RAP1GAP2: variants seen among roughly 807,000 people sequenced by gnomAD.
RAP1GAP2 encodes rap1 GTPase-activating protein 2.
In RAP1GAP2, 27 loss-of-function variants were observed where a neutral mutation model predicts 95.0. That is an observed-to-expected ratio of 0.28 (90% CI 0.21 to 0.39). The LOEUF is 0.39. RAP1GAP2 is among the 10% of genes least tolerant of loss of function. The pLI, the probability that RAP1GAP2 is intolerant of heterozygous loss-of-function variation, is 1.00. For missense variants in RAP1GAP2, 771 were observed against 970.0 expected, an observed-to-expected ratio of 0.79 and a Z score of 2.72; for synonymous variants, 373 against 380.9, an observed-to-expected ratio of 0.98 and a Z score of 0.24.
rs138074653 is a variant in RAP1GAP2, at chr17:2,884,282, C to T, written c.81-21002C>T. On this transcript the variant is annotated intron_variant, in intron 2 of 24. Transcript: ENST00000254695. ...GTGGGGCTGCAGTGGCCCTTTCATT[C>T]ATTCTTTGCTTCTTCAATCACTCCT... 7.4e-4 allele frequency among the ~76,000 whole-genome samples: 113 copies of T among 151,972 alleles called. 1 individual carries two copies. Among genetic ancestry groups the T allele is most frequent in the Admixed American group, 2.2e-3 (33 of 15,252 alleles).
intron 3 of RAP1GAP2, among the ~76,000 whole-genome samples, chr17:2,939,119 C>T (rs2043396996): frequency 6.6e-6 from 1 of 152,126 alleles, no homozygotes; most frequent in African/African-American, 2.4e-5. Flanking sequence ...GAGACAGAGT[C>T]CTGCTGTGTC....
At position 2,889,887 on chromosome 17, in the gene RAP1GAP2, A is replaced by ATTTTTTTTT. The variant is rs1183050009; in HGVS notation, c.81-15396_81-15395insTTTTTTTTT. 9.4e-3 allele frequency among the ~76,000 whole-genome samples: 364 copies of ATTTTTTTTT among 38,650 alleles called. 1 individual carries two copies. The highest frequency in any genetic ancestry group is 0.016 in the Non-Finnish European group (292 of 18,054). 25.4% of individuals were successfully genotyped at this position (38,650 alleles called of 152,430 possible). On this transcript the variant is annotated intron_variant, in intron 2 of 24. Coordinates refer to ENST00000254695, the MANE Select transcript of RAP1GAP2 (RefSeq NM_015085.5). ...TGTATATATATATATATATATATAT[A>ATTTTTTTTT]TATTTTTTTTTTTTTTTGTAGAGAT...
At chr17:2,850,008 T>TG (rs1056961152) in intron 2 of RAP1GAP2, among the ~76,000 whole-genome samples, 2 of 149,068 alleles carry the variant, frequency 1.3e-5, no homozygotes, top group African/African-American at 2.5e-5. Context: ...GCTTTTTTTT[T>TG]TTTTTTTTTT....
intron 19 of RAP1GAP2, 150 bp from the exon 20 acceptor site, chr17:3,025,858 G>A: frequency 1.6e-6 from 1 of 634,308 alleles, no homozygotes; most frequent in Non-Finnish European, 2.8e-6. Context: ...GGGCTCAGGT[G>A]GGAAAGGACA....
rs762396690 is a variant in RAP1GAP2, at chr17:3,018,132, C to T, written c.1566C>T (p.Gly522=). 6.3e-7 allele frequency: 1 copy of T among 1,586,104 alleles called. No individual in the cohort carries two copies. The highest frequency in any genetic ancestry group is 1.2e-5 in the South Asian group (1 of 86,912). ...GCCAGAAGAAGTCGCACAGTGGGGG[C>T]ATCCCTGGCAGCCTCAGCGGGGGCA... ...VGGQKKSHSG[G]IPGSLSGGIS... The change falls in exon 18 of 25, where the codon GGC becomes GGT. Residue 522 remains glycine (G), a synonymous_variant. Coordinates refer to ENST00000254695, the MANE Select transcript of RAP1GAP2 (RefSeq NM_015085.5).
At chr17:2,966,675 C>T (rs1479436087) in intron 8 of RAP1GAP2, among the ~76,000 whole-genome samples, 1 of 152,144 alleles carries the variant, frequency 6.6e-6, no homozygotes, top group Non-Finnish European at 1.5e-5. Flanking sequence ...TACAGAGGTT[C>T]ACTTGGCTGG....
At chr17:2,961,136 G>A (rs1015761440) in intron 4 of RAP1GAP2, among the ~76,000 whole-genome samples, 33 of 152,120 alleles carry the variant, frequency 2.2e-4, no homozygotes, top group African/African-American at 7.5e-4. Flanking sequence ...AGAATCACTT[G>A]AACGCGGGAG....
At chr17:2,811,879 TG>T (rs1438185958) in intron 2 of RAP1GAP2, among the ~76,000 whole-genome samples, 2 of 151,784 alleles carry the variant, frequency 1.3e-5, no homozygotes, top group African/African-American at 4.8e-5. Context: ...GCGCCTGGCC[TG>T]ATTTTTGTAT....
At chr17:2,996,634 C>T (rs1194326719) in intron 13 of RAP1GAP2, among the ~76,000 whole-genome samples, 1 of 152,246 alleles carries the variant, frequency 6.6e-6, no homozygotes, top group African/African-American at 2.4e-5. Context: ...CCCTTATGGC[C>T]TCTCTCACCT....
At chr17:2,801,505 T>G (rs1373002903) in intron 2 of RAP1GAP2, among the ~76,000 whole-genome samples, 1 of 151,928 alleles carries the variant, frequency 6.6e-6, no homozygotes, top group African/African-American at 2.4e-5. Flanking sequence ...AATTACATTT[T>G]TTATCACTTT....
At chr17:2,782,942 G>A (rs2068691945) in intron 1 of RAP1GAP2, among the ~76,000 whole-genome samples, 1 of 152,156 alleles carries the variant, frequency 6.6e-6, no homozygotes, top group Non-Finnish European at 1.5e-5. Flanking sequence ...TCTTGAACCT[G>A]GGAGGTGGAG....
At chr17:3,020,396 T>G (rs1215901140) in intron 18 of RAP1GAP2, 81 bp from the exon 19 acceptor site, 34 of 1,150,680 alleles carry the variant, frequency 3.0e-5, no homozygotes, top group Non-Finnish European at 4.4e-5. Flanking sequence ...CAGGAGCCAT[T>G]TGTAGACCAG....
chr17:2,872,647 G>GT (rs1339134867), intron 2 of RAP1GAP2, among the ~76,000 whole-genome samples: 3 of 151,742 alleles, frequency 2.0e-5, no homozygotes, highest in Admixed American at 6.6e-5. Flanking sequence ...AAGCCACTCC[G>GT]TTTTTGATAC....
In RAP1GAP2 at chr17:2,963,989, A is replaced by T; in HGVS notation, c.413A>T (p.Asn138Ile). The T allele has an allele frequency of 1.2e-6, 2 of 1,612,106 alleles. No individual in the cohort carries two copies. Among genetic ancestry groups the T allele is most frequent in the African/African-American group, 1.3e-5 (1 of 74,536 alleles). ...ATCTGTGAGGAGGAGGAAGAGGACA[A>T]CCTCAGCCCCAACACATTTGGCTAC... is the stretch of plus-strand genomic sequence containing the variant. ...SSICEEEEEDNLSPNTFGYKL... is the reference protein window; with the variant it reads ...SSICEEEEEDILSPNTFGYKL... The change falls in exon 7 of 25, where the codon AAC becomes ATC. Residue 138 changes from asparagine (N) to isoleucine (I), a missense_variant. Transcript: ENST00000254695. The surrounding 1 kb of genome is among the most constrained non-coding windows in gnomAD (Gnocchi z 4.8).
At chr17:2,809,656 G>C (rs539381422) in intron 2 of RAP1GAP2, among the ~76,000 whole-genome samples, 1 of 152,342 alleles carries the variant, frequency 6.6e-6, no homozygotes, top group South Asian at 2.1e-4. Context: ...AGAGGCCAGA[G>C]GGCTCTGCCC....
intron 2 of RAP1GAP2, among the ~76,000 whole-genome samples, chr17:2,859,739 C>T (rs2072296146): frequency 6.6e-6 from 1 of 152,094 alleles, no homozygotes; most frequent in African/African-American, 2.4e-5. Flanking sequence ...CATGGCCCAC[C>T]CAACTCTTTT....
chr17:2,919,980 C>T (rs1249319133), intron 3 of RAP1GAP2, among the ~76,000 whole-genome samples: 5 of 150,794 alleles, frequency 3.3e-5, no homozygotes, highest in African/African-American at 1.2e-4. Context: ...GGATGACAGG[C>T]GTGAGCCGCC....
chr17:2,973,336 C>T (rs192579621), intron 8 of RAP1GAP2, among the ~76,000 whole-genome samples: 42 of 151,932 alleles, frequency 2.8e-4, no homozygotes, highest in Admixed American at 2.0e-3. Context: ...GCCAATGTGG[C>T]GAAACCCTGT....
chr17:2,947,035 G>A (rs1000544680), intron 3 of RAP1GAP2, among the ~76,000 whole-genome samples: 2 of 152,206 alleles, frequency 1.3e-5, no homozygotes, highest in African/African-American at 2.4e-5. Flanking sequence ...GATTACAGGC[G>A]TGAGCCACCG....
Sources: gnomAD v4.1 joint callset for allele counts (sites outside exome capture counted in the v4.1 genomes callset) on GRCh38, gnomAD v4.1.1 for gene constraint, Gnocchi (gnomAD v3.1) non-coding constraint, MANE v1.5 for transcripts, NCBI Gene and HGNC (gene_info 2026-07-23, HGNC 2026-07-21) for gene names.